Variants in PRICKLE2 observed in about 807,000 individuals in gnomAD.
PRICKLE2 encodes prickle planar cell polarity protein 2, also known as prickle-like protein 2.
In PRICKLE2, 21 loss-of-function variants were observed where a neutral mutation model predicts 81.4. The ratio of observed to expected loss-of-function variants is 0.26; its 90% confidence interval spans 0.18 to 0.37. PRICKLE2 has a LOEUF of 0.37. Among genes scored for constraint, PRICKLE2 ranks in the 10% least tolerant of loss-of-function variants. PRICKLE2 has a pLI of 1.00. For missense variants in PRICKLE2, 940 were observed against 1,109.0 expected (o/e 0.85, Z 2.16); for synonymous variants, 456 against 421.5 (o/e 1.08, Z -1.00).
intron 7 of PRICKLE2, among the ~76,000 whole-genome samples, chr3:64,137,055 G>A (rs574807391): frequency 1.1e-4 from 17 of 152,276 alleles, no homozygotes; most frequent in Admixed American, 2.0e-4. Flanking sequence ...GAACTAATAC[G>A]TAGGGAAGAA....
chr3:64,148,743 A>G (rs1385019258), intron 6 of PRICKLE2, among the ~76,000 whole-genome samples: 2 of 152,158 alleles, frequency 1.3e-5, no homozygotes, highest in African/African-American at 4.8e-5. Flanking sequence ...TGCTCCTTCC[A>G]CTATATGATG....
At chr3:64,141,917 C>A (rs953938255) in intron 7 of PRICKLE2, 1 of 984,944 alleles carries the variant, frequency 1.0e-6, no homozygotes, top group Non-Finnish European at 1.2e-6. Context: ...TTCACTAAGC[C>A]TTTTGTGGCA....
At chr3:64,221,866 T>G (rs1258651882) in intron 1 of PRICKLE2, among the ~76,000 whole-genome samples, 3 of 152,182 alleles carry the variant, frequency 2.0e-5, no homozygotes, top group African/African-American at 7.2e-5. Context: ...ATTGAGCCCT[T>G]CTCAAATTCA....
At position 64,252,123 on chromosome 3, in the gene PRICKLE2, T is replaced by C. The variant is rs115399703; in HGVS notation, c.129-53156A>G. On this transcript the variant is annotated intron_variant, in intron 2 of 8. Coordinates refer to the PRICKLE2 transcript ENST00000295902. ...AACATGGTCTAAAAAAAGTAAGTAA[T>C]AGGCATAATCTACACCCATAGTTTC... 9.8e-3 allele frequency among the ~76,000 whole-genome samples: 1,482 copies of C among 151,742 alleles called. 27 individuals carry two copies. The highest frequency in any genetic ancestry group is 0.034 in the African/African-American group (1,391 of 41,332).
intron 2 of PRICKLE2, among the ~76,000 whole-genome samples, chr3:64,176,794 C>T (rs1030694637): frequency 6.6e-6 from 1 of 152,222 alleles, no homozygotes; most frequent in African/African-American, 2.4e-5. Flanking sequence ...CGGCTACTTT[C>T]AGCCTGAGTA....
chr3:64,115,709 G>A (rs2076923366), intron 7 of PRICKLE2, among the ~76,000 whole-genome samples: 1 of 152,164 alleles, frequency 6.6e-6, no homozygotes. Flanking sequence ...CAAGTTCTTA[G>A]AGACCTTCAA....
chr3:64,104,329 A>G (rs1488618568), intron 7 of PRICKLE2, among the ~76,000 whole-genome samples: 1 of 152,248 alleles, frequency 6.6e-6, no homozygotes, highest in African/African-American at 2.4e-5. Context: ...AAGGAAAGAA[A>G]ACATCTTCAA....
At chr3:64,125,385 A>T (rs1293872778) in intron 7 of PRICKLE2, among the ~76,000 whole-genome samples, 3 of 152,254 alleles carry the variant, frequency 2.0e-5, no homozygotes, top group Admixed American at 2.0e-4. Context: ...CCAATTTTGT[A>T]ATAAGTTCTA....
chr3:64,155,493 G>C (rs1275829848), intron 5 of PRICKLE2, among the ~76,000 whole-genome samples: 4 of 152,078 alleles, frequency 2.6e-5, no homozygotes, highest in Admixed American at 6.5e-5. Context: ...CCCTCAAAAA[G>C]TTAAACTTAG....
At chr3:64,262,370 C>A in intron 2 of PRICKLE2, among the ~76,000 whole-genome samples, 1 of 151,990 alleles carries the variant, frequency 6.6e-6, no homozygotes, top group Non-Finnish European at 1.5e-5. Flanking sequence ...ACAGTCAAGG[C>A]TTAAGGAAAG....
chr3:64,166,468 T>C (rs1344211681), intron 2 of PRICKLE2, among the ~76,000 whole-genome samples: 1 of 152,136 alleles, frequency 6.6e-6, no homozygotes, highest in East Asian at 1.9e-4. Context: ...TGTGCTGAGA[T>C]CCATCCTAAA....
At chr3:64,243,500 G>A (rs543463145) in intron 2 of PRICKLE2, among the ~76,000 whole-genome samples, 178 of 152,310 alleles carry the variant, frequency 1.2e-3, no homozygotes, top group African/African-American at 4.0e-3. Context: ...CTACTTTGGG[G>A]TTCATATAAG....
At chr3:64,134,542 G>A (rs370663639) in intron 7 of PRICKLE2, among the ~76,000 whole-genome samples, 15 of 151,978 alleles carry the variant, frequency 9.9e-5, no homozygotes, top group South Asian at 6.3e-4. Context: ...GAGGTTTAGC[G>A]GCACCCCTGA....
At chr3:64,207,407 G>C (rs1418939222) in intron 1 of PRICKLE2, among the ~76,000 whole-genome samples, 1 of 151,996 alleles carries the variant, frequency 6.6e-6, no homozygotes, top group Non-Finnish European at 1.5e-5. Flanking sequence ...AACAGAAACA[G>C]CTGCTGGTCC....
intron 2 of PRICKLE2, among the ~76,000 whole-genome samples, chr3:64,234,101 G>T (rs2079146252): frequency 6.6e-6 from 1 of 151,974 alleles, no homozygotes; most frequent in South Asian, 2.1e-4. Context: ...CAGTCTTTAT[G>T]ATTATAAATA....
chr3:64,140,667 G>A (rs984954306), intron 7 of PRICKLE2, among the ~76,000 whole-genome samples: 8 of 152,072 alleles, frequency 5.3e-5, no homozygotes, highest in African/African-American at 1.7e-4. Flanking sequence ...TAATGCCTTG[G>A]TCCCCCACTC....
chr3:64,199,270 T>A (rs1487696421), intron 1 of PRICKLE2: 1 of 529,310 alleles, frequency 1.9e-6, no homozygotes, highest in Non-Finnish European at 3.4e-6. Context: ...ATATAGTTTT[T>A]ATTTTACTAG....
chr3:64,242,673 C>T (rs900424546), intron 2 of PRICKLE2, among the ~76,000 whole-genome samples: 7 of 152,264 alleles, frequency 4.6e-5, no homozygotes, highest in African/African-American at 1.7e-4. Context: ...CCTCCCCCTA[C>T]ACTCACATTG....
chr3:64,147,318 T>C lies in PRICKLE2; in HGVS notation c.1172A>G (p.Asp391Gly). 1 of 1,613,962 alleles carries C rather than the reference T, an allele frequency of 6.2e-7. No homozygotes were observed. Among genetic ancestry groups the C allele is most frequent in the Non-Finnish European group, 8.5e-7 (1 of 1,179,944 alleles). Residue 391 changes from aspartate (D) to glycine (G), a missense_variant, in exon 7 of 8, where the codon GAC (aspartate) becomes GGC (glycine). Coordinates refer to ENST00000638394, the MANE Select transcript of PRICKLE2 (RefSeq NM_198859.4). This position sits in a 1 kb window ranked among gnomAD's most constrained non-coding sequence, Gnocchi z 5.0. ...LSSQTPSLNR[D>G]PIWRSREEPY... The stretch of plus-strand genomic sequence containing the variant: ...CTCTTCCCGGCTCCTCCAGATGGGG[T>C]CCCGGTTGAGGCTGGGTGTCTGGCT...
Sources: gnomAD v4.1 joint callset for allele counts (sites outside exome capture counted in the v4.1 genomes callset) on GRCh38, gnomAD v4.1.1 for gene constraint, Gnocchi (gnomAD v3.1) non-coding constraint, MANE v1.5 for transcripts, NCBI Gene and HGNC (gene_info 2026-07-23, HGNC 2026-07-21) for gene names.